Variants in RBFOX1 observed in about 807,000 individuals in gnomAD.
The protein encoded by RBFOX1 is RNA binding protein fox-1 homolog 1.
Under a neutral mutation model 57.7 loss-of-function variants are expected in RBFOX1, and 8 were observed. That is an observed-to-expected ratio of 0.14 (90% CI 0.08 to 0.25). The LOEUF (loss-of-function observed/expected upper bound fraction) is 0.25, where lower values mean the gene tolerates loss of function less well. Among genes scored for constraint, RBFOX1 ranks in the 10% least tolerant of loss-of-function variants. RBFOX1 has a pLI of 1.00. For missense variants in RBFOX1, 611 were observed against 548.5 expected (o/e 1.11, Z -1.14); for synonymous variants, 326 against 222.4 (o/e 1.47, Z -4.15).
At chr16:6,926,906 C>G (rs544803910) in intron 3 of RBFOX1, among the ~76,000 whole-genome samples, 1 of 152,160 alleles carries the variant, frequency 6.6e-6, no homozygotes, top group Non-Finnish European at 1.5e-5. Context: ...CAGGTACTCC[C>G]TCAGGGCCTG....
At chr16:6,746,262 A>G (rs1165891187) in intron 3 of RBFOX1, among the ~76,000 whole-genome samples, 1 of 152,162 alleles carries the variant, frequency 6.6e-6, no homozygotes, top group Non-Finnish European at 1.5e-5. Flanking sequence ...ACTCCCAAAC[A>G]TATTCTAAAA....
chr16:5,665,773 A>C (rs1039440438), intron 3 of RBFOX1, among the ~76,000 whole-genome samples: 5 of 152,198 alleles, frequency 3.3e-5, no homozygotes, highest in South Asian at 4.1e-4. Context: ...AGGCCCTCAC[A>C]GGGGGTTCGG....
chr16:7,365,002 A>G lies in RBFOX1; in HGVS notation c.28-153145A>G, dbSNP rs191696677. ...ATCAGATGATTCTTTTGGGGAATCT[A>G]TCTGTCTGTCTGTCTATCCATCCGT... On this transcript the variant is annotated intron_variant, in intron 4 of 15. Coordinates refer to ENST00000550418, the MANE Select transcript of RBFOX1 (RefSeq NM_018723.4). Among the ~76,000 whole-genome samples, 882 of 137,242 alleles carry G rather than the reference A, an allele frequency of 6.4e-3. 4 individuals are homozygous for G. The highest frequency in any genetic ancestry group is 0.021 in the African/African-American group (816 of 38,824). The allele number at this position is 137,242 out of a possible 152,430, so 90.0% of individuals were successfully genotyped here. A position where few individuals can be genotyped will look rare whatever the true frequency, so the allele number is the denominator to read the frequency against.
At chr16:5,923,467 G>C (rs192286784) in intron 4 of RBFOX1, among the ~76,000 whole-genome samples, 16 of 151,572 alleles carry the variant, frequency 1.1e-4, no homozygotes, top group African/African-American at 3.4e-4. Context: ...CTCCCTGAAG[G>C]CTCACGGAGA....
chr16:5,241,141 C>A (rs1186468535), intron 1 of RBFOX1, among the ~76,000 whole-genome samples: 1 of 152,188 alleles, frequency 6.6e-6, no homozygotes, highest in Admixed American at 6.5e-5. Flanking sequence ...CCGTCCTCGC[C>A]GTGGGCTGCC....
Position 7,418,774 on chromosome 16 carries a change from G to GTCTCTATCCTA in RBFOX1, c.28-99365_28-99364insCTATCTCTATC, listed in dbSNP as rs71147695. 4.6e-5 allele frequency among the ~76,000 whole-genome samples: 7 copies of GTCTCTATCCTA among 151,664 alleles called. 1 individual carries two copies. In the South Asian group the frequency reaches 1.3e-3, roughly 27 times the overall value. On this transcript the variant is annotated intron_variant, in intron 4 of 15. Coordinates refer to ENST00000550418, the MANE Select transcript of RBFOX1 (RefSeq NM_018723.4). ...TTCTCCTCTCTCTCACTGTGTCTGT[G>GTCTCTATCCTA]TCTCTATCTCTGTCTTTCTCTGTCT...
At chr16:5,800,761 G>T (rs577556445) in intron 3 of RBFOX1, among the ~76,000 whole-genome samples, 12 of 152,126 alleles carry the variant, frequency 7.9e-5, no homozygotes, top group Admixed American at 6.6e-5. Flanking sequence ...TAACAGGGCC[G>T]CTCGGAAACC....
At position 5,460,983 on chromosome 16, in the gene RBFOX1, T is replaced by C. The variant is rs2068770596; in HGVS notation, c.220-6233T>C. ...GATGTCAAGGTTGAAATTCTGCTCA[T>C]GAAACGGATGACAAGGAAAGGAATG... On this transcript the variant is annotated intron_variant, in intron 1 of 2. Transcript: ENST00000585867. Among the ~76,000 whole-genome samples the C allele has an allele frequency of 2.0e-5, 3 of 152,170 alleles. No individual in the cohort carries two copies. In the South Asian group the frequency reaches 6.2e-4, roughly 32 times the overall value.
In RBFOX1 at chr16:6,655,477, G is replaced by T. The variant is rs1332402140; in HGVS notation, c.-16+827G>T. On this transcript the variant is annotated intron_variant, in intron 3 of 15. Transcript: ENST00000550418. Reference sequence around the variant, plus strand: ...CAACAGCGTCCTATCTGAGATTAAGGGGGTAGGGGGCAATGCCATTTTCTA... The same window carrying T: ...CAACAGCGTCCTATCTGAGATTAAGTGGGTAGGGGGCAATGCCATTTTCTA... 2.0e-5 allele frequency among the ~76,000 whole-genome samples: 3 copies of T among 150,578 alleles called. 1 individual carries two copies. Among genetic ancestry groups the T allele is most frequent in the African/African-American group, 4.9e-5 (2 of 41,056 alleles).
intron 3 of RBFOX1, among the ~76,000 whole-genome samples, chr16:5,688,953 C>T (rs575011086): frequency 1.5e-4 from 23 of 152,326 alleles, no homozygotes; most frequent in Admixed American, 1.4e-3. Flanking sequence ...GCCAGGGGCA[C>T]AGCCCTCACA....
rs879934312 is a variant in RBFOX1 at position 7,186,534 on chromosome 16, A to ATAAACATATTTATATAAATATAAGCT, written c.27+134488_27+134513dup. Among the ~76,000 whole-genome samples the ATAAACATATTTATATAAATATAAGCT allele has an allele frequency of 9.0e-4, 116 of 129,102 alleles. 5 individuals carry two copies. Among genetic ancestry groups the ATAAACATATTTATATAAATATAAGCT allele is most frequent in the African/African-American group, 3.0e-3 (102 of 33,812 alleles). 84.7% of individuals were successfully genotyped at this position (129,102 alleles called of 152,430 possible). A position where few individuals can be genotyped will look rare whatever the true frequency, so the allele number is the denominator to read the frequency against. On this transcript the variant is annotated intron_variant, in intron 4 of 15. Coordinates refer to ENST00000550418, the MANE Select transcript of RBFOX1 (RefSeq NM_018723.4). ...TAAACATATTTATATAAATATAAGC[A>ATAAACATATTTATATAAATATAAGCT]TAAACATATTTATATAAATATAAGC...
At chr16:5,837,229 C>G (rs775864449) in intron 3 of RBFOX1, among the ~76,000 whole-genome samples, 3 of 151,846 alleles carry the variant, frequency 2.0e-5, no homozygotes, top group Admixed American at 1.3e-4. Flanking sequence ...TCTCTATATT[C>G]CAGTCCCGCT....
chr16:5,252,353 A>G (rs1481863759), intron 1 of RBFOX1, among the ~76,000 whole-genome samples: 1 of 152,186 alleles, frequency 6.6e-6, no homozygotes, highest in African/African-American at 2.4e-5. Context: ...ATCCCATGCA[A>G]TATTTGGGAC....
At chr16:6,646,298 C>G (rs2098534320) in intron 2 of RBFOX1, among the ~76,000 whole-genome samples, 1 of 152,138 alleles carries the variant, frequency 6.6e-6, no homozygotes, top group Non-Finnish European at 1.5e-5. Context: ...GAAGCAAATG[C>G]AGTCCCCTGG....
At chr16:7,157,213 G>T (rs2077333013) in intron 4 of RBFOX1, among the ~76,000 whole-genome samples, 1 of 152,196 alleles carries the variant, frequency 6.6e-6, no homozygotes, top group Non-Finnish European at 1.5e-5. Context: ...GCCTCTCCTT[G>T]TGTGTGTGCA....
At chr16:6,320,751 G>C (rs1350843637) in intron 2 of RBFOX1, among the ~76,000 whole-genome samples, 1 of 149,996 alleles carries the variant, frequency 6.7e-6, no homozygotes, top group African/African-American at 2.4e-5. Flanking sequence ...TGAAAACTAA[G>C]TGTTCTTTCA....
chr16:5,280,213 T>C (rs1263804395), intron 1 of RBFOX1, among the ~76,000 whole-genome samples: 1 of 152,250 alleles, frequency 6.6e-6, no homozygotes, highest in Non-Finnish European at 1.5e-5. Flanking sequence ...TTGCCTTTCA[T>C]CTTGTTGATG....
intron 4 of RBFOX1, among the ~76,000 whole-genome samples, chr16:7,211,983 C>T (rs1378978283): frequency 6.6e-6 from 1 of 152,180 alleles, no homozygotes; most frequent in African/African-American, 2.4e-5. Context: ...TTCTCACTCC[C>T]ATCAAGCCAC....
intron 4 of RBFOX1, among the ~76,000 whole-genome samples, chr16:7,323,618 C>A (rs2096573849): frequency 6.6e-6 from 1 of 152,208 alleles, no homozygotes. Context: ...ATTCACTTCC[C>A]CTCTCATGGT....
Sources: gnomAD v4.1 joint callset for allele counts (sites outside exome capture counted in the v4.1 genomes callset) on GRCh38, gnomAD v4.1.1 for gene constraint, MANE v1.5 for transcripts, NCBI Gene and HGNC (gene_info 2026-07-23, HGNC 2026-07-21) for gene names.